SPMAP1: variants seen among roughly 807,000 people sequenced by gnomAD.
The protein encoded by SPMAP1 is sperm microtubule associated protein 1, also known as uncharacterized protein C17orf98.
At chr17:38,839,669 G>A in the SPMAP1 span, among the ~76,000 whole-genome samples, 3 of 151,532 alleles carry the variant, frequency 2.0e-5, no homozygotes, top group African/African-American at 4.8e-5. Context: ...GCGTGGTGGC[G>A]GGCACCTGTA....
the SPMAP1 span, chr17:38,837,298 A>G: frequency 1.7e-6 from 2 of 1,188,002 alleles, no homozygotes; most frequent in African/African-American, 3.2e-5. Flanking sequence ...GCTGAGGGGG[A>G]CACAGTGCAA....
chr17:38,840,709 G>A, the SPMAP1 span, among the ~76,000 whole-genome samples: 6 of 151,582 alleles, frequency 4.0e-5, no homozygotes, highest in Non-Finnish European at 8.8e-5. Flanking sequence ...GCGAGGCTGA[G>A]GTGGGAAGGT....
At chr17:38,835,315 G>A in the SPMAP1 span, 1 of 1,614,160 alleles carries the variant, frequency 6.2e-7, no homozygotes, top group South Asian at 1.1e-5. Context: ...CATTGTAGTG[G>A]TCATGCCCAG....
chr17:38,836,605 T>C, the SPMAP1 span, among the ~76,000 whole-genome samples: 1 of 133,618 alleles, frequency 7.5e-6, no homozygotes, highest in Non-Finnish European at 1.6e-5. Context: ...TTTTTTTTTT[T>C]TTTGAGATGG....
the SPMAP1 span, chr17:38,841,290 G>T: frequency 6.2e-7 from 1 of 1,614,194 alleles, no homozygotes; most frequent in Non-Finnish European, 8.5e-7. Flanking sequence ...CACAGCTTGG[G>T]CCTAGAGCGC....
At chr17:38,836,154 C>G in the SPMAP1 span, among the ~76,000 whole-genome samples, 1 of 152,068 alleles carries the variant, frequency 6.6e-6, no homozygotes, top group Non-Finnish European at 1.5e-5. Flanking sequence ...GACCTCGTGA[C>G]CCGCCTGCCT....
the SPMAP1 span, among the ~76,000 whole-genome samples, chr17:38,838,862 A>C: frequency 6.6e-6 from 1 of 152,028 alleles, no homozygotes; most frequent in Non-Finnish European, 1.5e-5. Flanking sequence ...AGGCAGGTGG[A>C]TCACTTGAGG....
the SPMAP1 span, among the ~76,000 whole-genome samples, chr17:38,835,762 C>A: frequency 6.6e-6 from 1 of 152,138 alleles, no homozygotes; most frequent in Admixed American, 6.6e-5. Context: ...AGAGGAGTGG[C>A]CCAGGATGGT....
the SPMAP1 span, among the ~76,000 whole-genome samples, chr17:38,839,085 CAAA>C: frequency 1.4e-4 from 9 of 63,870 alleles, no homozygotes; most frequent in Non-Finnish European, 1.9e-4. Context: ...GACTCTGTCT[CAAA>C]AAAAAAAAAA....
the SPMAP1 span, chr17:38,841,063 A>G: frequency 4.6e-6 from 3 of 649,346 alleles, no homozygotes; most frequent in Admixed American, 3.2e-5. Context: ...AATAAATAAA[A>G]ATTTAAAAAA....
At chr17:38,838,479 A>C in the SPMAP1 span, among the ~76,000 whole-genome samples, 9 of 152,058 alleles carry the variant, frequency 5.9e-5, no homozygotes, top group African/African-American at 1.4e-4. Context: ...TCATGCCTGT[A>C]ATCCCAGCTA....
the SPMAP1 span, chr17:38,835,492 C>T: frequency 3.5e-6 from 3 of 861,776 alleles, no homozygotes; most frequent in Non-Finnish European, 5.3e-6. Flanking sequence ...TGTCCTGAGA[C>T]TCTGGGCTGA....
At chr17:38,838,455 C>G in the SPMAP1 span, among the ~76,000 whole-genome samples, 1 of 151,634 alleles carries the variant, frequency 6.6e-6, no homozygotes, top group Non-Finnish European at 1.5e-5. Flanking sequence ...CAAAAATTAG[C>G]CAGGTGTAGT....
At chr17:38,840,817 C>G in the SPMAP1 span, among the ~76,000 whole-genome samples, 1 of 150,720 alleles carries the variant, frequency 6.6e-6, no homozygotes, top group Non-Finnish European at 1.5e-5. Flanking sequence ...AGGCTCACAC[C>G]TGTAACATGG....
At chr17:38,841,313 G>T in the SPMAP1 span, 2 of 1,614,176 alleles carry the variant, frequency 1.2e-6, no homozygotes, top group Admixed American at 1.7e-5. Context: ...ATAAGCGCGG[G>T]CAGCGGTGCT....
the SPMAP1 span, chr17:38,837,288 G>T: frequency 7.7e-7 from 1 of 1,300,450 alleles, no homozygotes; most frequent in Non-Finnish European, 1.1e-6. Flanking sequence ...CAGCCACAAT[G>T]CTGAGGGGGA....
chr17:38,839,482 A>AG, the SPMAP1 span, among the ~76,000 whole-genome samples: 1 of 146,616 alleles, frequency 6.8e-6, no homozygotes, highest in Non-Finnish European at 1.5e-5. Flanking sequence ...AAAAAAAAAA[A>AG]GAAAAGAAAA....
At chr17:38,841,294 A>G in the SPMAP1 span, 1 of 1,614,206 alleles carries the variant, frequency 6.2e-7, no homozygotes. Flanking sequence ...GCTTGGGCCT[A>G]GAGCGCCCAT....
the SPMAP1 span, chr17:38,841,207 C>A: frequency 1.2e-6 from 2 of 1,613,940 alleles, no homozygotes; most frequent in Non-Finnish European, 1.7e-6. Flanking sequence ...GCAAAAGGGG[C>A]GGAACCACGT....
Sources: gnomAD v4.1 joint callset for allele counts (sites outside exome capture counted in the v4.1 genomes callset) on GRCh38, gnomAD v4.1.1 for gene constraint, MANE v1.5 for transcripts, NCBI Gene and HGNC (gene_info 2026-07-23, HGNC 2026-07-21) for gene names.